The following TMEM43 variants were observed in gnomAD, a reference collection of about 807,000 sequenced individuals.
The protein encoded by TMEM43 is arrhythmogenic right ventricular dysplasia 5.
In TMEM43, 45 loss-of-function variants were observed where a neutral mutation model predicts 49.6. The ratio of observed to expected loss-of-function variants is 0.91; its 90% CI spans 0.71 to 1.16. The LOEUF (loss-of-function observed/expected upper bound fraction) is 1.16, where lower values mean the gene tolerates loss of function less well. Ranked by LOEUF, TMEM43 falls within the 50% of genes most tolerant of loss-of-function variation. The pLI is 0.00. For synonymous variants in TMEM43, 199 were observed against 207.8 expected (o/e 0.96, Z 0.36); for missense variants, 532 against 516.6 (o/e 1.03, Z -0.29).
Position 14,125,281 on chromosome 3 carries a change from G to A in TMEM43, c.12+76G>A, listed in dbSNP as rs1370417512. 5 of 1,535,636 alleles carry A rather than the reference G, an allele frequency of 3.3e-6. No homozygotes were observed. In the African/African-American group the frequency reaches 5.5e-5, roughly 17 times the overall value. ...GGGGCTTTTCCCCGGGGTCCTCTAG[G>A]TCCATTTCGCCGCCTGGAGCTCCTC... On this transcript the variant is annotated intron_variant, in intron 1 of 11. Coordinates refer to ENST00000306077, the MANE Select transcript of TMEM43 (RefSeq NM_024334.3).
At chr3:14,140,751 C>T (rs1311870115) in intron 11 of TMEM43, among the ~76,000 whole-genome samples, 5 of 152,220 alleles carry the variant, frequency 3.3e-5, no homozygotes, top group African/African-American at 7.2e-5. Context: ...GTGCCTAACA[C>T]AGGCAACGTT....
intron 10 of TMEM43, among the ~76,000 whole-genome samples, chr3:14,136,824 C>T (rs574138859): frequency 6.7e-6 from 1 of 148,800 alleles, no homozygotes; most frequent in Admixed American, 6.8e-5. Context: ...CTATGCCTAC[C>T]CCGGGTCCCA....
At chr3:14,130,701 C>A in intron 2 of TMEM43, 121 bp from the exon 3 acceptor site, 1 of 1,300,688 alleles carries the variant, frequency 7.7e-7, no homozygotes, top group Non-Finnish European at 1.1e-6. Flanking sequence ...TCCAACTGTA[C>A]GGTGGGGAGA....
intron 3 of TMEM43, 30 bp from the exon 4 acceptor site, chr3:14,131,550 T>C (rs2124987751): frequency 2.5e-6 from 4 of 1,593,766 alleles, no homozygotes; most frequent in Non-Finnish European, 3.4e-6. Flanking sequence ...TTATCCTTTA[T>C]TTTTTTGGTT....
At chr3:14,134,478 C>G (rs1695140396) in intron 7 of TMEM43, among the ~76,000 whole-genome samples, 1 of 152,194 alleles carries the variant, frequency 6.6e-6, no homozygotes, top group African/African-American at 2.4e-5. Flanking sequence ...GGAGGTGAGT[C>G]AGGCTTGGAC....
rs778628088 is a variant in TMEM43, at chr3:14,133,772, C to A, written c.546C>A (p.Ala182=). 1 of 1,614,190 alleles carries A rather than the reference C, an allele frequency of 6.2e-7. No homozygotes were observed. Among genetic ancestry groups the A allele is most frequent in the Non-Finnish European group, 8.5e-7 (1 of 1,180,010 alleles). Residue 182 remains alanine, a synonymous_variant, in exon 7 of 12, where the codon GCC becomes GCA. Coordinates refer to ENST00000306077, the MANE Select transcript of TMEM43 (RefSeq NM_024334.3). ...AMAVESFMAT[A]PFVQIGRFFL... ...CAGTGGAGTCATTCATGGCAACAGCCCCCTTTGTCCAAATTGGCAGGTTTT... is the reference window on the plus strand; with the variant it reads ...CAGTGGAGTCATTCATGGCAACAGCACCCTTTGTCCAAATTGGCAGGTTTT...
In TMEM43 at chr3:14,133,938, G is replaced by A; in HGVS notation, c.583+129G>A. 4.5e-6 allele frequency: 4 copies of A among 896,318 alleles called. No homozygotes were observed. The Admixed American group carries it at 7.2e-5, about 16-fold the overall frequency. The allele number at this position is 896,318 out of a possible 1,614,324, so 55.5% of individuals were successfully genotyped here. A position where few individuals can be genotyped will look rare whatever the true frequency, so the allele number is the denominator to read the frequency against. On this transcript the variant is annotated intron_variant, in intron 7 of 11. Transcript: ENST00000306077. Reference sequence around the variant, plus strand: ...CAGTCTGCACCTTTCCCAGCACCATGCTTTGGGGGCCAGGGGAAGGCGAAT... The same window carrying A: ...CAGTCTGCACCTTTCCCAGCACCATACTTTGGGGGCCAGGGGAAGGCGAAT...
chr3:14,141,331 T>C (rs991583014), intron 11 of TMEM43, among the ~76,000 whole-genome samples: 1 of 152,220 alleles, frequency 6.6e-6, no homozygotes, highest in Non-Finnish European at 1.5e-5. Context: ...TATTAAAGTT[T>C]ACAAAGCACT....
rs1412311221 is a variant in TMEM43, at chr3:14,125,162, C to T, written c.-32C>T. 2 of 1,608,708 alleles carry T rather than the reference C, an allele frequency of 1.2e-6. No individual in the cohort carries two copies. The highest frequency in any genetic ancestry group is 1.1e-5 in the South Asian group (1 of 90,548). On this transcript the variant is annotated 5_prime_UTR_variant, in exon 1 of 12. Transcript: ENST00000306077. ...GTCAGCCCACTTCCTAGCTGAACAG[C>T]GCGAGGCGGCGGCAGCGAGCCGGGT...
chr3:14,139,340 A>G, intron 11 of TMEM43, 43 bp downstream of exon 11: 1 of 1,377,796 alleles, frequency 7.3e-7, no homozygotes, highest in Non-Finnish European at 1.0e-6. Flanking sequence ...CTGCACCCTG[A>G]AAGGGCCTCC....
At chr3:14,139,438 G>A (rs1695220746) in intron 11 of TMEM43, 141 bp downstream of exon 11, 6 of 711,684 alleles carry the variant, frequency 8.4e-6, no homozygotes, top group Admixed American at 2.0e-5. Flanking sequence ...CTGTGTCCCC[G>A]CTCCATAGCC....
intron 5 of TMEM43, 70 bp downstream of exon 5, chr3:14,132,665 C>CT (rs1344822788): frequency 2.0e-5 from 32 of 1,565,742 alleles, no homozygotes; most frequent in Non-Finnish European, 2.7e-5. Flanking sequence ...GACAGCAGGG[C>CT]TGTTGGTGGG....
intron 10 of TMEM43, among the ~76,000 whole-genome samples, chr3:14,136,719 C>G: frequency 7.3e-6 from 1 of 136,412 alleles, no homozygotes; most frequent in East Asian, 3.2e-4. Flanking sequence ...GGGGGCTCCA[C>G]CAAAGTCTGT....
At chr3:14,137,837 T>C (rs1396835912) in intron 10 of TMEM43, 2 of 152,266 alleles carry the variant, frequency 1.3e-5, no homozygotes, top group Admixed American at 6.5e-5. Context: ...CAAGTTTTCA[T>C]TGAACACCAG....
At chr3:14,133,704 G>A (rs765641410) in intron 6 of TMEM43, 35 bp from the exon 7 acceptor site, 39 of 1,605,052 alleles carry the variant, frequency 2.4e-5, no homozygotes, top group African/African-American at 1.7e-4. Context: ...CTCCCACACC[G>A]GTGCCCATCT....
chr3:14,134,921 A>G, intron 8 of TMEM43, 30 bp downstream of exon 8: 1 of 1,613,774 alleles, frequency 6.2e-7, no homozygotes, highest in African/African-American at 1.3e-5. Flanking sequence ...CTCTCCAAAT[A>G]GGAGGGTCAG....
chr3:14,132,578 A>C lies in TMEM43; in HGVS notation c.425A>C (p.Glu142Ala). Residue 142 changes from glutamate (E) to alanine (A), a missense_variant, in exon 5 of 12, where the codon GAG becomes GCG. Physicochemically the swap from Glu to Ala is moderately radical, Grantham distance 107. Coordinates refer to ENST00000306077, the MANE Select transcript of TMEM43 (RefSeq NM_024334.3). ...EYTEDGQVKKETRYSYNTEWR... is the reference protein window; with the variant it reads ...EYTEDGQVKKATRYSYNTEWR... ...ACCGAGGATGGGCAGGTGAAGAAGG[A>C]GACGAGGTATTCCTACAGTGAGTGC... The C allele has an allele frequency of 6.2e-7, 1 of 1,614,140 alleles. No individual in the cohort carries two copies. Among genetic ancestry groups the C allele is most frequent in the Non-Finnish European group, 8.5e-7 (1 of 1,180,000 alleles).
chr3:14,125,790 C>T (rs1695011772), intron 1 of TMEM43, among the ~76,000 whole-genome samples: 1 of 152,176 alleles, frequency 6.6e-6, no homozygotes. Flanking sequence ...GTCGGGGCCC[C>T]TCCTCCCCCT....
rs960212953 is a variant in TMEM43, at chr3:14,141,589, A to G, written c.1001-4A>G. 3 of 1,613,894 alleles carry G rather than the reference A, an allele frequency of 1.9e-6. No homozygotes were observed. Among genetic ancestry groups the G allele is most frequent in the Non-Finnish European group, 2.5e-6 (3 of 1,179,958 alleles). Reference sequence around the variant, plus strand: ...GCACCTCATCACCTTTCTCCTTTCCACAGTGGACTGGTTTCCTGTTTTCCG... The same window carrying G: ...GCACCTCATCACCTTTCTCCTTTCCGCAGTGGACTGGTTTCCTGTTTTCCG... On this transcript the variant is annotated splice_polypyrimidine_tract_variant and splice_region_variant and intron_variant, in intron 11 of 11. Coordinates refer to ENST00000306077, the MANE Select transcript of TMEM43 (RefSeq NM_024334.3).
Sources: allele counts gnomAD v4.1 joint callset (sites outside exome capture counted in the v4.1 genomes callset), GRCh38; gene constraint gnomAD v4.1.1; transcripts MANE v1.5; gene names NCBI Gene and HGNC (gene_info 2026-07-23, HGNC 2026-07-21).